IGSF22: variants seen among roughly 807,000 people sequenced by gnomAD.
IGSF22 encodes the protein immunoglobulin superfamily member 22, also known as immunoglobulin superfamily, member 22.
In IGSF22, 119 loss-of-function variants were observed where a neutral mutation model predicts 127.0. The observed-to-expected ratio is 0.94, with a 90% CI of 0.81 to 1.09. The LOEUF (loss-of-function observed/expected upper bound fraction) is 1.09, where lower values mean the gene tolerates loss of function less well. IGSF22 is among the 50% of genes least tolerant of loss of function. The probability of loss-of-function intolerance (pLI) is 0.00; values close to 1 mark genes in which losing one functional copy is unlikely to be tolerated. For missense variants in IGSF22, 1,518 were observed against 1,716.6 expected, an observed-to-expected ratio of 0.88 and a Z score of 2.04; for synonymous variants, 568 against 664.7, an observed-to-expected ratio of 0.85 and a Z score of 2.24.
In IGSF22 at chr11:18,705,926, C is replaced by T. The variant is rs781769615; in HGVS notation, c.3801G>A (p.Val1267=). 26 of 1,551,614 alleles carry T rather than the reference C, an allele frequency of 1.7e-5. No homozygotes were observed. In the African/African-American group the frequency reaches 2.7e-4, roughly 16 times the overall value. Residue 1267 remains valine (V), a synonymous_variant, in exon 22 of 23, where the codon GTG becomes GTA. Transcript: ENST00000513874. Reference sequence around the variant, plus strand: ...TGCAGGTGGGGATGACGAGGGTGCACACGCCGCTGGTGGAGTTGTACCAGA... The same window carrying T: ...TGCAGGTGGGGATGACGAGGGTGCATACGCCGCTGGTGGAGTTGTACCAGA... ...SKFWYNSTSG[V]CTLVIPTCTL...
chr11:18,718,024 T>G lies in IGSF22; in HGVS notation c.880A>C (p.Met294Leu), dbSNP rs755424104. ...YDVKQMGTKY[M>L]LVISNVNMND... ...ATGTTCACGTTGCTAATAACCAGCATGTACTTGGTGCCCATCTGCTTCACA... is the reference window on the plus strand; with the variant it reads ...ATGTTCACGTTGCTAATAACCAGCAGGTACTTGGTGCCCATCTGCTTCACA... The change falls in exon 9 of 23, where the codon ATG (methionine) becomes CTG (leucine). Residue 294 changes from methionine (M) to leucine (L), a missense_variant. Around this residue, in one of 3 missense-constraint regions of IGSF22, gnomAD observed 1,456 missense variants for 1,644.9 expected, o/e 0.89. Coordinates refer to ENST00000513874, the MANE Select transcript of IGSF22 (RefSeq NM_173588.4). 1 of 1,614,210 alleles carries G rather than the reference T, an allele frequency of 6.2e-7. No individual in the cohort carries two copies. Among genetic ancestry groups the G allele is most frequent in the Non-Finnish European group, 8.5e-7 (1 of 1,180,036 alleles).
In IGSF22 at chr11:18,714,394, T is replaced by C. The variant is rs374096851; in HGVS notation, c.1681A>G (p.Ile561Val). Residue 561 changes from isoleucine to valine, a missense_variant, in exon 13 of 23, where the codon ATT becomes GTT. Around this residue, in one of 3 missense-constraint regions of IGSF22, gnomAD observed 1,456 missense variants for 1,644.9 expected, o/e 0.89. Coordinates refer to ENST00000513874, the MANE Select transcript of IGSF22 (RefSeq NM_173588.4). ...TTGTGCACTGCACCCTGCTTCACAA[T>C]CTGCATGCCTGGCAAGTCCGTGATC... is the stretch of plus-strand genomic sequence containing the variant. ...KEITDLPGMQ[I>V]VKQGAVHKLI... The C allele has an allele frequency of 1.2e-6, 2 of 1,613,912 alleles. No individual in the cohort carries two copies. The highest frequency in any genetic ancestry group is 2.7e-5 in the African/African-American group (2 of 74,926).
At position 18,709,595 on chromosome 11, in the gene IGSF22, GT is replaced by G. The variant is rs769270421; in HGVS notation, c.2789del (p.Asp930AlafsTer10). On this transcript the variant is annotated frameshift_variant, in exon 18 of 23. Transcript: ENST00000513874. LOFTEE classifies it high-confidence loss of function. The surrounding 1 kb of genome is among the most constrained non-coding windows in gnomAD (Gnocchi z 4.8). ...SLAWREPAEG[D>X]PPSGYILEMR... ...TCTCAAGGATGTAGCCAGAGGGTGG[GT>G]CTCCCTCTGCAGGCTCCCGCCAGGC... 1.5e-5 allele frequency: 25 copies of G among 1,613,970 alleles called. No individual in the cohort carries two copies. Among genetic ancestry groups the G allele is most frequent in the Non-Finnish European group, 2.0e-5 (24 of 1,179,846 alleles).
Position 18,706,132 on chromosome 11 carries a change from C to A in IGSF22, c.3595G>T (p.Ala1199Ser), listed in dbSNP as rs1284283997. The change falls in exon 22 of 23, where the codon GCC becomes TCC. Residue 1199 changes from alanine (A) to serine (S), a missense_variant. Around this residue, in one of 3 missense-constraint regions of IGSF22, gnomAD observed 1,456 missense variants for 1,644.9 expected, o/e 0.89. Transcript: ENST00000513874. ...INKDQIQDLS[A>S]KLKPYEKKDW... The stretch of plus-strand genomic sequence containing the variant: ...TTCTTCTCGTAGGGCTTGAGCTTGG[C>A]GCTCAGGTCCTGGACTGCGCGGGCG... 2.6e-6 allele frequency: 4 copies of A among 1,541,516 alleles called. No homozygotes were observed. The highest frequency in any genetic ancestry group is 2.0e-5 in the Admixed American group (1 of 50,946).
rs754616778 is a variant in IGSF22, at chr11:18,720,059, C to T, written c.518+5G>A. 2 of 1,614,030 alleles carry T rather than the reference C, an allele frequency of 1.2e-6. No homozygotes were observed. The highest frequency in any genetic ancestry group is 1.7e-6 in the Non-Finnish European group (2 of 1,180,034). On this transcript the variant is annotated splice_donor_5th_base_variant and intron_variant, in intron 6 of 22. Coordinates refer to ENST00000513874, the MANE Select transcript of IGSF22 (RefSeq NM_173588.4). ...ATCTTGGGCAGAAGGACCTGCCAGC[C>T]TCACCTCTTCTTCAGCATCTTTTTG...
chr11:18,719,618 C>T (rs12418990), intron 7 of IGSF22, 98 bp downstream of exon 7: 269,900 of 1,215,662 alleles, frequency 0.22, 30,921 homozygotes, highest in Admixed American at 0.3. Context: ...GTGTGCAGAA[C>T]TGGGGAGACC....
chr11:18,713,849 G>A lies in IGSF22; in HGVS notation c.2095+3C>T. The stretch of plus-strand genomic sequence containing the variant: ...GCCCAGCCCGGACTGGCCCTGCCCT[G>A]ACCCAGCACACTAAGGTGCAGAGTG... On this transcript the variant is annotated splice_donor_region_variant and intron_variant, in intron 14 of 22. Transcript: ENST00000513874. 4 of 1,608,442 alleles carry A rather than the reference G, an allele frequency of 2.5e-6. No individual in the cohort carries two copies. The highest frequency in any genetic ancestry group is 3.4e-6 in the Non-Finnish European group (4 of 1,177,224).
chr11:18,718,333 C>T (rs1249307712), intron 8 of IGSF22, among the ~76,000 whole-genome samples: 1 of 152,212 alleles, frequency 6.6e-6, no homozygotes, highest in Non-Finnish European at 1.5e-5. Context: ...GATGCTTTCC[C>T]TTAGAGGCAC....
At chr11:18,718,521 G>A (rs1306740285) in intron 8 of IGSF22, 94 bp downstream of exon 8, 3 of 816,024 alleles carry the variant, frequency 3.7e-6, no homozygotes, top group South Asian at 2.7e-5. Context: ...CCTCTTGATG[G>A]GATGGAAGAG....
rs528060459 is a variant in IGSF22, at chr11:18,712,246, T to C, written c.2234A>G (p.Lys745Arg). The C allele has an allele frequency of 1.3e-6, 2 of 1,551,770 alleles. No individual in the cohort carries two copies. Among genetic ancestry groups the C allele is most frequent in the African/African-American group, 1.4e-5 (1 of 73,182 alleles). ...CTCGCCTATCTTAATCCAGGACTTC[T>C]TGCCAACTGCCCTCCGTTCCACTAT... Reference protein sequence around the residue: ...QFIVERRAVGKKSWIKIGEVD... With the variant: ...QFIVERRAVGRKSWIKIGEVD... Residue 745 changes from lysine to arginine, a missense_variant, in exon 15 of 23, where the codon AAG becomes AGG. Physicochemically the swap from Lys to Arg is conservative, Grantham distance 26 (BLOSUM62 2). Transcript: ENST00000513874.
rs370020655 is a variant in IGSF22, at chr11:18,723,762, A to G, written c.109+366T>C. ...AAGTGGAGCAGGGTCAGCATTACTG[A>G]TATGTAGATAAGGTGGCTACCTTCC... On this transcript the variant is annotated intron_variant, in intron 2 of 22. Transcript: ENST00000513874. 6.0e-3 allele frequency among the ~76,000 whole-genome samples: 913 copies of G among 152,324 alleles called. 8 individuals carry two copies. The highest frequency in any genetic ancestry group is 8.1e-3 in the Non-Finnish European group (548 of 68,018).
chr11:18,719,616 A>G (rs1848530028), intron 7 of IGSF22, 100 bp downstream of exon 7: 2 of 1,189,824 alleles, frequency 1.7e-6, no homozygotes, highest in Non-Finnish European at 1.2e-6. Context: ...GTGTGTGCAG[A>G]ACTGGGGAGA....
chr11:18,720,125 G>A (rs1302484407), intron 5 of IGSF22, 22 bp from the exon 6 acceptor site: 1 of 1,614,068 alleles, frequency 6.2e-7, no homozygotes, highest in Non-Finnish European at 8.5e-7. Flanking sequence ...CAGAGGGACA[G>A]GTTCAGACAG....
chr11:18,709,416 T>TCCGTGGGTCCC lies in IGSF22; in HGVS notation c.2968_2969insGGGACCCACGG (p.Asp990GlyfsTer25), dbSNP rs1464435410. The TCCGTGGGTCCC allele has an allele frequency of 6.2e-7, 1 of 1,614,078 alleles. No homozygotes were observed. The highest frequency in any genetic ancestry group is 2.2e-5 in the East Asian group (1 of 44,886). On this transcript the variant is annotated frameshift_variant, in exon 18 of 23. Coordinates refer to ENST00000513874, the MANE Select transcript of IGSF22 (RefSeq NM_173588.4). LOFTEE classifies it high-confidence loss of function. The surrounding 1 kb of genome is among the most constrained non-coding windows in gnomAD (Gnocchi z 4.8). ...TGGTGGCATGGCACGGACCCCCTTG[T>TCCGTGGGTCCC]CTAGCTCCACAGGCTCCCCAACCCC...
At position 18,709,577 on chromosome 11, in the gene IGSF22, G is replaced by A. The variant is rs769586061; in HGVS notation, c.2808C>T (p.Ile936=). 8 of 1,614,094 alleles carry A rather than the reference G, an allele frequency of 5.0e-6. No individual in the cohort carries two copies. The highest frequency in any genetic ancestry group is 1.3e-5 in the African/African-American group (1 of 74,922). ...PAEGDPPSGY[I]LEMRAEDTKE... is the part of the protein sequence containing the mutation. ...TTGTGTCTTCAGCCCTCATCTCAAG[G>A]ATGTAGCCAGAGGGTGGGTCTCCCT... The change falls in exon 18 of 23, where the codon ATC becomes ATT. Residue 936 remains isoleucine (I), a synonymous_variant. Transcript: ENST00000513874. This position sits in a 1 kb window ranked among gnomAD's most constrained non-coding sequence, Gnocchi z 4.8.
At chr11:18,705,174 T>C (rs1848199627) in intron 22 of IGSF22, among the ~76,000 whole-genome samples, 1 of 151,994 alleles carries the variant, frequency 6.6e-6, no homozygotes, top group Non-Finnish European at 1.5e-5. Flanking sequence ...ACCTTCTTGG[T>C]TTGGGATTTT....
At chr11:18,718,216 C>A in intron 8 of IGSF22, 123 bp from the exon 9 acceptor site, 1 of 858,968 alleles carries the variant, frequency 1.2e-6, no homozygotes, top group Non-Finnish European at 1.8e-6. Flanking sequence ...AGACAGAGAT[C>A]CCTATGATCT....
intron 14 of IGSF22, 30 bp from the exon 15 acceptor site, chr11:18,712,414 G>C (rs999029172): frequency 1.3e-5 from 20 of 1,526,400 alleles, no homozygotes; most frequent in Admixed American, 2.1e-5. Flanking sequence ...TCAGAATGGG[G>C]CTTTGGAACA....
In IGSF22 at chr11:18,710,605, C is replaced by T; in HGVS notation, c.2572+50G>A. The T allele has an allele frequency of 2.5e-6, 4 of 1,589,874 alleles. No individual in the cohort carries two copies. In the South Asian group the frequency reaches 4.5e-5, roughly 18 times the overall value. On this transcript the variant is annotated intron_variant, in intron 16 of 22. Coordinates refer to ENST00000513874, the MANE Select transcript of IGSF22 (RefSeq NM_173588.4). ...TGTGTCAGTAGTTAATGGGTCCACTCAGCAAGACCTCCTTTGGTCACTCCT... is the reference window on the plus strand; with the variant it reads ...TGTGTCAGTAGTTAATGGGTCCACTTAGCAAGACCTCCTTTGGTCACTCCT...
Sources: gnomAD v4.1 joint callset for allele counts (sites outside exome capture counted in the v4.1 genomes callset) on GRCh38, gnomAD v4.1.1 for gene constraint, gnomAD v4.1.1 regional missense constraint, Gnocchi (gnomAD v3.1) non-coding constraint, MANE v1.5 for transcripts, NCBI Gene and HGNC (gene_info 2026-07-23, HGNC 2026-07-21) for gene names.